Variants in LRP1B observed in about 807,000 individuals in gnomAD.
LRP1B encodes the protein low-density lipoprotein receptor-related protein 1B.
A neutral mutation model predicts 556.6 loss-of-function variants in LRP1B; 217 were observed. That is an observed-to-expected ratio of 0.39 (90% CI 0.35 to 0.44). The LOEUF is 0.44. LRP1B is among the 20% of genes least tolerant of loss of function. The pLI is 1.00. For synonymous variants in LRP1B, 2,047 were observed against 1,865.8 expected, an observed-to-expected ratio of 1.10 and a Z score of -2.50; for missense variants, 5,053 against 5,620.8, an observed-to-expected ratio of 0.90 and a Z score of 3.23.
chr2:141,824,178 G>C (rs1388829295), intron 1 of LRP1B, among the ~76,000 whole-genome samples: 1 of 152,070 alleles, frequency 6.6e-6, no homozygotes, highest in African/African-American at 2.4e-5. Flanking sequence ...AACAGCTATT[G>C]AATGTTCATT....
At chr2:141,992,752 T>G (rs1264079448) in intron 1 of LRP1B, among the ~76,000 whole-genome samples, 1 of 152,110 alleles carries the variant, frequency 6.6e-6, no homozygotes, top group African/African-American at 2.4e-5. Flanking sequence ...TGGCATGATA[T>G]TTTAGCTATG....
chr2:140,475,417 CA>C (rs1687933640), intron 59 of LRP1B, 80 bp from the exon 60 acceptor site: 1 of 1,021,088 alleles, frequency 9.8e-7, no homozygotes, highest in Non-Finnish European at 1.4e-6. Context: ...CTTTTTTGCT[CA>C]ACTGTTCCCA....
chr2:141,948,895 T>C (rs1160971383), intron 1 of LRP1B, among the ~76,000 whole-genome samples: 1 of 152,042 alleles, frequency 6.6e-6, no homozygotes, highest in Non-Finnish European at 1.5e-5. Context: ...ACACAAAAAA[T>C]TTAAAAGATT....
At chr2:141,005,060 T>C (rs938429510) in intron 15 of LRP1B, among the ~76,000 whole-genome samples, 10 of 152,060 alleles carry the variant, frequency 6.6e-5, no homozygotes, top group African/African-American at 2.2e-4. Context: ...CCACTGCTTA[T>C]AGTGAAGTTC....
intron 2 of LRP1B, among the ~76,000 whole-genome samples, chr2:141,729,845 A>G (rs964686839): frequency 1.3e-5 from 2 of 152,184 alleles, no homozygotes; most frequent in Non-Finnish European, 2.9e-5. Flanking sequence ...CCATTTCTAT[A>G]GAAAATAATC....
intron 1 of LRP1B, among the ~76,000 whole-genome samples, chr2:141,867,280 A>G (rs1231170115): frequency 6.6e-6 from 1 of 152,078 alleles, no homozygotes; most frequent in Non-Finnish European, 1.5e-5. Context: ...TTCTGAAATG[A>G]TGGGTCTATC....
intron 6 of LRP1B, among the ~76,000 whole-genome samples, chr2:141,211,377 T>C (rs554742154): frequency 1.3e-5 from 2 of 151,004 alleles, no homozygotes; most frequent in East Asian, 3.9e-4. Context: ...ATCCCAGCAC[T>C]TTGGGAGACC....
intron 1 of LRP1B, among the ~76,000 whole-genome samples, chr2:141,874,084 ATTTTTTTT>A (rs200281267): frequency 0.012 from 1,201 of 103,138 alleles, 5 homozygotes; most frequent in African/African-American, 0.027. Flanking sequence ...TGAACTAACA[ATTTTTTTT>A]TTTTTTTTTT....
chr2:142,080,451 G>T (rs531425095), intron 1 of LRP1B, among the ~76,000 whole-genome samples: 1 of 152,052 alleles, frequency 6.6e-6, no homozygotes. Flanking sequence ...TCACATTTCG[G>T]TCTTTGTCTT....
chr2:141,010,231 T>C (rs1329488858), intron 14 of LRP1B, among the ~76,000 whole-genome samples: 3 of 152,046 alleles, frequency 2.0e-5, no homozygotes, highest in African/African-American at 7.2e-5. Flanking sequence ...CTTTTGAACC[T>C]AGAAAATAAA....
chr2:142,008,247 C>G (rs1702856242), intron 1 of LRP1B, among the ~76,000 whole-genome samples: 1 of 152,196 alleles, frequency 6.6e-6, no homozygotes, highest in African/African-American at 2.4e-5. Context: ...TCCCTGTGCT[C>G]TCCCTCCAAC....
chr2:141,936,168 T>A (rs1700630756), intron 1 of LRP1B, among the ~76,000 whole-genome samples: 1 of 152,138 alleles, frequency 6.6e-6, no homozygotes, highest in Non-Finnish European at 1.5e-5. Flanking sequence ...ACAAGATATG[T>A]TTTTTCCTTC....
intron 2 of LRP1B, among the ~76,000 whole-genome samples, chr2:141,673,230 C>T (rs1456874192): frequency 6.6e-6 from 1 of 152,168 alleles, no homozygotes; most frequent in Non-Finnish European, 1.5e-5. Context: ...CTACTGTTTA[C>T]TTAAGTACTT....
intron 33 of LRP1B, among the ~76,000 whole-genome samples, chr2:140,772,561 C>T (rs1220708540): frequency 1.3e-5 from 2 of 152,098 alleles, no homozygotes; most frequent in East Asian, 1.9e-4. Context: ...CCATCCACCT[C>T]GGCCTCCTGA....
chr2:140,596,551 T>A (rs1682448123), intron 43 of LRP1B, among the ~76,000 whole-genome samples: 1 of 152,222 alleles, frequency 6.6e-6, no homozygotes, highest in African/African-American at 2.4e-5. Flanking sequence ...AATTGAAATA[T>A]TTACTGTGCA....
At chr2:141,564,763 A>C (rs145340262) in intron 2 of LRP1B, among the ~76,000 whole-genome samples, 3 of 152,224 alleles carry the variant, frequency 2.0e-5, no homozygotes, top group African/African-American at 7.2e-5. Flanking sequence ...CGAACAGAGA[A>C]CAATGTAAAA....
chr2:141,838,749 A>G lies in LRP1B; in HGVS notation c.83-28348T>C, dbSNP rs970724. On this transcript the variant is annotated intron_variant, in intron 1 of 90. Coordinates refer to ENST00000389484, the MANE Select transcript of LRP1B (RefSeq NM_018557.3). ...ATTTCTAGGACGTAAAATAATTTAC[A>G]TGTTCGCTGGATTGAAAACTCTTCA... 1.7e-4 allele frequency among the ~76,000 whole-genome samples: 26 copies of G among 152,326 alleles called. No homozygotes were observed. In the East Asian group the frequency reaches 5.0e-3, roughly 29 times the overall value.
intron 66 of LRP1B, among the ~76,000 whole-genome samples, chr2:140,404,965 A>G (rs1314843733): frequency 6.6e-6 from 1 of 152,222 alleles, no homozygotes; most frequent in Non-Finnish European, 1.5e-5. Flanking sequence ...AAGATAGATG[A>G]TATGATAGGC....
At chr2:140,681,022 A>G (rs956698882) in intron 41 of LRP1B, among the ~76,000 whole-genome samples, 2 of 152,348 alleles carry the variant, frequency 1.3e-5, no homozygotes, top group Middle Eastern at 3.4e-3. Context: ...AATGTGGGGT[A>G]TAAGTCACAG....
Sources: allele counts gnomAD v4.1 joint callset (sites outside exome capture counted in the v4.1 genomes callset), GRCh38; gene constraint gnomAD v4.1.1; transcripts MANE v1.5; gene names NCBI Gene and HGNC (gene_info 2026-07-23, HGNC 2026-07-21).